The following ZEB2 variants were observed in gnomAD, a reference collection of about 807,000 sequenced individuals.
ZEB2 encodes zinc finger E-box-binding homeobox 2.
In ZEB2, 6 loss-of-function variants were observed where a neutral mutation model predicts 99.9. The ratio of observed to expected loss-of-function variants is 0.06; its 90% confidence interval spans 0.03 to 0.12. ZEB2 has a LOEUF of 0.12. Among genes scored for constraint, ZEB2 ranks in the 10% least tolerant of loss-of-function variants. The pLI, the probability that ZEB2 is intolerant of heterozygous loss-of-function variation, is 1.00. For missense variants in ZEB2, 969 were observed against 1,502.8 expected, an observed-to-expected ratio of 0.64 and a Z score of 5.87; for synonymous variants, 517 against 542.5, an observed-to-expected ratio of 0.95 and a Z score of 0.65.
chr2:144,415,103 G>C (rs1448349649), intron 4 of ZEB2, among the ~76,000 whole-genome samples: 1 of 151,162 alleles, frequency 6.6e-6, no homozygotes, highest in Non-Finnish European at 1.5e-5. Flanking sequence ...TGGGTCTAGT[G>C]GGGCAAAGAG....
chr2:144,510,714 CTCTT>C (rs1419874997), intron 2 of ZEB2, among the ~76,000 whole-genome samples: 3 of 145,990 alleles, frequency 2.1e-5, no homozygotes, highest in Non-Finnish European at 4.5e-5. Context: ...CTCTCTCTCT[CTCTT>C]TCTCTCTCTC....
intron 2 of ZEB2, among the ~76,000 whole-genome samples, chr2:144,515,738 C>T (rs1705123455): frequency 6.6e-6 from 1 of 151,492 alleles, no homozygotes; most frequent in Non-Finnish European, 1.5e-5. Flanking sequence ...CTCGACACCT[C>T]CACCACAACA....
intron 4 of ZEB2, among the ~76,000 whole-genome samples, chr2:144,413,794 A>G (rs1703497594): frequency 6.6e-6 from 1 of 152,250 alleles, no homozygotes; most frequent in South Asian, 2.1e-4. Flanking sequence ...CAACTCTTGC[A>G]GAGAAATACG....
intron 3 of ZEB2, chr2:144,427,271 G>A (rs1703702446): frequency 6.6e-6 from 1 of 152,166 alleles, no homozygotes; most frequent in African/African-American, 2.4e-5. Flanking sequence ...CCCCATTGTG[G>A]GACGAAAGAA....
At chr2:144,511,922 G>A in intron 2 of ZEB2, 1 of 1,287,122 alleles carries the variant, frequency 7.8e-7, no homozygotes, top group Non-Finnish European at 1.0e-6. Context: ...GTTAACATCT[G>A]CTTTTGTGGT....
chr2:144,511,353 A>G (rs1185279248), intron 2 of ZEB2: 8 of 1,153,134 alleles, frequency 6.9e-6, no homozygotes, highest in Non-Finnish European at 8.7e-6. Flanking sequence ...AAACACACAC[A>G]TGCACATACA....
At chr2:144,420,603 G>A (rs990131333) in intron 4 of ZEB2, among the ~76,000 whole-genome samples, 9 of 152,124 alleles carry the variant, frequency 5.9e-5, no homozygotes, top group African/African-American at 2.2e-4. Flanking sequence ...ACACCTTAGG[G>A]TTGTGGGATT....
intron 2 of ZEB2, among the ~76,000 whole-genome samples, chr2:144,450,747 T>C (rs1003731743): frequency 6.6e-6 from 1 of 152,106 alleles, no homozygotes; most frequent in Admixed American, 6.6e-5. Context: ...ATGACCTTGG[T>C]TCACTGCAAC....
intron 2 of ZEB2, chr2:144,513,316 T>C: frequency 7.7e-7 from 1 of 1,296,708 alleles, no homozygotes; most frequent in Non-Finnish European, 1.0e-6. Flanking sequence ...TCCAAAGCCC[T>C]GAGAACATTC....
chr2:144,505,085 A>G (rs1388352582), intron 2 of ZEB2, among the ~76,000 whole-genome samples: 3 of 152,108 alleles, frequency 2.0e-5, no homozygotes, highest in Non-Finnish European at 4.4e-5. Context: ...AGGGGGAAAA[A>G]ACGCACACAC....
chr2:144,513,038 T>C, intron 2 of ZEB2: 1 of 1,287,254 alleles, frequency 7.8e-7, no homozygotes. Flanking sequence ...GGAAACTTCC[T>C]TGTCTAAGTG....
intron 9 of ZEB2, among the ~76,000 whole-genome samples, chr2:144,391,895 C>G (rs576017943): frequency 1.5e-4 from 23 of 152,302 alleles, no homozygotes; most frequent in African/African-American, 5.3e-4. Flanking sequence ...CTCTCAGGAT[C>G]AGTAGGTAAA....
At chr2:144,442,017 G>A (rs551289044) in intron 2 of ZEB2, among the ~76,000 whole-genome samples, 3 of 152,224 alleles carry the variant, frequency 2.0e-5, no homozygotes, top group South Asian at 2.1e-4. Context: ...CAGAACCTCC[G>A]TTTCATTAAG....
At chr2:144,487,043 G>C (rs149151946) in intron 2 of ZEB2, among the ~76,000 whole-genome samples, 5 of 152,054 alleles carry the variant, frequency 3.3e-5, no homozygotes, top group African/African-American at 7.2e-5. Context: ...ATAAACTTCC[G>C]TGATCAGTTT....
intron 4 of ZEB2, among the ~76,000 whole-genome samples, chr2:144,416,069 C>T (rs1488718137): frequency 1.3e-5 from 2 of 152,210 alleles, no homozygotes; most frequent in Admixed American, 6.5e-5. Flanking sequence ...CCTGGGCTAA[C>T]CCTGGGACAA....
At chr2:144,444,465 G>A (rs1703958326) in intron 2 of ZEB2, among the ~76,000 whole-genome samples, 1 of 152,208 alleles carries the variant, frequency 6.6e-6, no homozygotes. Context: ...ACTGCTGACT[G>A]TCATAAAACT....
In ZEB2 at chr2:144,429,919, T is replaced by A. The variant is rs535673534; in HGVS notation, c.181A>T (p.Ser61Cys). Residue 61 changes from serine (S) to cysteine (C), a missense_variant, in exon 3 of 10, where the codon AGT (serine) becomes TGT (cysteine). Physicochemically the swap from Ser to Cys is moderately radical, Grantham distance 112. Transcript: ENST00000627532. ...TCATGGTTGGGCACACTAGCTGGAC[T>A]CGTCTCCTGGTCCAGAGGGTTGGCA... The part of the protein sequence containing the change: ...GIANPLDQET[S>C]PASVPNHESS... 1.9e-6 allele frequency: 3 copies of A among 1,613,806 alleles called. No homozygotes were observed. The African/African-American group carries it at 4.0e-5, about 22-fold the overall frequency.
intron 2 of ZEB2, among the ~76,000 whole-genome samples, chr2:144,487,335 C>T (rs1011790705): frequency 6.6e-6 from 1 of 151,934 alleles, no homozygotes; most frequent in Non-Finnish European, 1.5e-5. Context: ...AAGAAACTGC[C>T]CCAACAGCCA....
intron 9 of ZEB2, among the ~76,000 whole-genome samples, chr2:144,394,863 T>A (rs1703200287): frequency 6.6e-6 from 1 of 152,110 alleles, no homozygotes; most frequent in African/African-American, 2.4e-5. Context: ...CTCCAGCATG[T>A]GCCCAGTGAG....
Sources: gnomAD v4.1 joint callset for allele counts (sites outside exome capture counted in the v4.1 genomes callset) on GRCh38, gnomAD v4.1.1 for gene constraint, MANE v1.5 for transcripts, NCBI Gene and HGNC (gene_info 2026-07-23, HGNC 2026-07-21) for gene names.